Variants in MALRD1 observed in about 807,000 individuals in gnomAD.
MALRD1 encodes MAM and LDL receptor class A domain containing 1.
In MALRD1, 247 loss-of-function variants were observed where a neutral mutation model predicts 242.1. The observed-to-expected ratio is 1.02, with a 90% confidence interval of 0.92 to 1.13. The LOEUF is 1.13. Among genes scored for constraint, MALRD1 ranks in the 50% most tolerant of loss-of-function variants. MALRD1 has a pLI of 0.00. For synonymous variants in MALRD1, 995 were observed against 866.6 expected (o/e 1.15, Z -2.60); for missense variants, 2,989 against 2,533.1 (o/e 1.18, Z -3.86).
intron 2 of MALRD1, among the ~76,000 whole-genome samples, chr10:19,078,657 T>TG (rs1835391968): frequency 6.6e-6 from 1 of 151,894 alleles, no homozygotes. Flanking sequence ...GCTGGAGCAT[T>TG]TGTTTGTGGA....
At chr10:19,260,366 G>A (rs552484080) in intron 19 of MALRD1, among the ~76,000 whole-genome samples, 76 of 152,184 alleles carry the variant, frequency 5.0e-4, no homozygotes, top group Middle Eastern at 3.4e-3. Flanking sequence ...TGTTTCACGT[G>A]GTCCTATCTC....
At chr10:19,721,726 C>G (rs941962993) in intron 38 of MALRD1, 2 of 152,146 alleles carry the variant, frequency 1.3e-5, no homozygotes, top group African/African-American at 2.4e-5. Flanking sequence ...TTTTTCCAGC[C>G]ATATAGCTTT....
chr10:19,606,866 A>G (rs1221488126), intron 34 of MALRD1, among the ~76,000 whole-genome samples: 1 of 152,168 alleles, frequency 6.6e-6, no homozygotes, highest in Admixed American at 6.5e-5. Flanking sequence ...AATGCCAACC[A>G]TAGCCTCTTC....
chr10:19,144,956 G>A (rs1419203130), intron 10 of MALRD1, among the ~76,000 whole-genome samples: 1 of 152,134 alleles, frequency 6.6e-6, no homozygotes, highest in Non-Finnish European at 1.5e-5. Flanking sequence ...AAAACTATGG[G>A]TGTTTTCTGA....
intron 4 of MALRD1, among the ~76,000 whole-genome samples, chr10:19,100,450 A>G (rs1293699071): frequency 6.7e-6 from 1 of 150,094 alleles, no homozygotes; most frequent in East Asian, 2.0e-4. Context: ...TCAGTAGTCC[A>G]GGGTGAGGAG....
intron 1 of MALRD1, among the ~76,000 whole-genome samples, chr10:19,055,486 A>G (rs1443534688): frequency 6.6e-6 from 1 of 152,146 alleles, no homozygotes; most frequent in Non-Finnish European, 1.5e-5. Flanking sequence ...TACCAATGTC[A>G]TGGAGCTTTT....
At chr10:19,527,949 A>C (rs576974252) in intron 31 of MALRD1, among the ~76,000 whole-genome samples, 1 of 146,568 alleles carries the variant, frequency 6.8e-6, no homozygotes, top group East Asian at 2.1e-4. Flanking sequence ...GATTTAAAGA[A>C]AGTACGTTTT....
chr10:19,185,384 A>C (rs1441737628), intron 14 of MALRD1, among the ~76,000 whole-genome samples: 2 of 152,186 alleles, frequency 1.3e-5, no homozygotes, highest in African/African-American at 4.8e-5. Context: ...AATTCTAAAC[A>C]ATTTCCTATA....
At chr10:19,450,783 T>G (rs1289365732) in intron 29 of MALRD1, among the ~76,000 whole-genome samples, 6 of 152,092 alleles carry the variant, frequency 3.9e-5, no homozygotes, top group African/African-American at 1.4e-4. Context: ...GACAGGCAGA[T>G]TTGGTATCTG....
intron 21 of MALRD1, among the ~76,000 whole-genome samples, chr10:19,292,237 G>GT (rs1477399658): frequency 6.6e-6 from 1 of 151,958 alleles, no homozygotes; most frequent in Admixed American, 6.6e-5. Context: ...AATACACAAT[G>GT]TTTTTTTCTG....
intron 21 of MALRD1, among the ~76,000 whole-genome samples, chr10:19,303,157 A>G (rs1842024029): frequency 6.6e-6 from 1 of 151,722 alleles, no homozygotes; most frequent in African/African-American, 2.4e-5. Flanking sequence ...AACATGTTAA[A>G]TAAAAGGATT....
chr10:19,131,798 G>A (rs1365393905), intron 8 of MALRD1, among the ~76,000 whole-genome samples: 1 of 152,072 alleles, frequency 6.6e-6, no homozygotes, highest in Non-Finnish European at 1.5e-5. Flanking sequence ...GTGGAGCAAA[G>A]ATATATTTTT....
At chr10:19,422,502 G>C (rs529857557) in intron 28 of MALRD1, among the ~76,000 whole-genome samples, 147 of 152,242 alleles carry the variant, frequency 9.7e-4, no homozygotes, top group Non-Finnish European at 1.5e-3. Flanking sequence ...GGATAGTAAA[G>C]ATAATTATTA....
chr10:19,126,227 G>A (rs1715773341), intron 7 of MALRD1, among the ~76,000 whole-genome samples: 2 of 152,016 alleles, frequency 1.3e-5, no homozygotes, highest in Non-Finnish European at 1.5e-5. Context: ...GCAGGAATGA[G>A]TATACGTTTA....
At chr10:19,198,288 C>A (rs1836355717) in intron 14 of MALRD1, among the ~76,000 whole-genome samples, 1 of 152,114 alleles carries the variant, frequency 6.6e-6, no homozygotes, top group African/African-American at 2.4e-5. Context: ...ATGTTGTGAG[C>A]AACATATTTG....
chr10:19,298,629 G>A (rs1841815135), intron 21 of MALRD1, among the ~76,000 whole-genome samples: 2 of 151,952 alleles, frequency 1.3e-5, no homozygotes, highest in African/African-American at 4.8e-5. Flanking sequence ...ACCTTGGAGA[G>A]TGCCTTTTTA....
intron 23 of MALRD1, among the ~76,000 whole-genome samples, chr10:19,329,520 ATATT>A (rs947517087): frequency 3.9e-5 from 6 of 152,240 alleles, no homozygotes; most frequent in Middle Eastern, 3.4e-3. Context: ...AATTTTTAAA[ATATT>A]TACTCATTTT....
rs1377138820 is a variant in MALRD1, at chr10:19,724,036, C to A, written c.6315-6670C>A. Reference sequence around the variant, plus strand: ...TCACACCACTGTATACAAGCCTGGACAACAGAGTGAGACTCTGTCTCTAAA... The same window carrying A: ...TCACACCACTGTATACAAGCCTGGAAAACAGAGTGAGACTCTGTCTCTAAA... On this transcript the variant is annotated intron_variant, in intron 38 of 39. Transcript: ENST00000454679. Among the ~76,000 whole-genome samples the A allele has an allele frequency of 6.6e-5, 10 of 152,216 alleles. No homozygotes were observed. In the South Asian group the frequency reaches 2.1e-3, roughly 32 times the overall value.
chr10:19,588,142 A>T (rs1324526501), intron 33 of MALRD1, among the ~76,000 whole-genome samples: 1 of 152,062 alleles, frequency 6.6e-6, no homozygotes, highest in Non-Finnish European at 1.5e-5. Flanking sequence ...ATTCAAATAT[A>T]TTCGAAAATT....
Sources: gnomAD v4.1 joint callset for allele counts (sites outside exome capture counted in the v4.1 genomes callset) on GRCh38, gnomAD v4.1.1 for gene constraint, MANE v1.5 for transcripts, NCBI Gene and HGNC (gene_info 2026-07-23, HGNC 2026-07-21) for gene names.